Variants in ZNF679 observed in about 807,000 individuals in gnomAD.
ZNF679 encodes the protein hypothetical protein MGC42415.
Under a neutral mutation model 13.4 loss-of-function variants are expected in ZNF679, and 10 were observed. The observed-to-expected ratio is 0.75, with a 90% CI of 0.46 to 1.27. ZNF679 has a LOEUF of 1.27. Ranked by LOEUF, ZNF679 falls within the 50% of genes most tolerant of loss-of-function variation. The probability of loss-of-function intolerance (pLI) is 0.00; values close to 1 mark genes in which losing one functional copy is unlikely to be tolerated. For synonymous variants in ZNF679, 179 were observed against 162.5 expected (o/e 1.10, Z -0.77); for missense variants, 525 against 477.8 (o/e 1.10, Z -0.92).
At position 64,236,921 on chromosome 7, in the gene ZNF679, A is replaced by G. The variant is rs201543624; in HGVS notation, c.-91+8269A>G. ...GAAAAAGAAAAAAAGAAAGAAAGAA[A>G]GAAGAAAGAAAGAAAGAAAGAAAGA... On this transcript the variant is annotated intron_variant, in intron 1 of 4. Transcript: ENST00000421025. Among the ~76,000 whole-genome samples, 332 of 111,978 alleles carry G rather than the reference A, an allele frequency of 3.0e-3. 1 individual carries two copies. The highest frequency in any genetic ancestry group is 0.026 in the South Asian group (71 of 2,716). The allele number at this position is 111,978 out of a possible 152,430, so 73.5% of individuals were successfully genotyped here. A position where few individuals can be genotyped will look rare whatever the true frequency, so the allele number is the denominator to read the frequency against.
Position 64,236,447 on chromosome 7 carries a change from TG to T in ZNF679, c.-91+7801del, listed in dbSNP as rs200757024. Among the ~76,000 whole-genome samples the T allele has an allele frequency of 6.2e-3, 929 of 149,626 alleles. 16 individuals are homozygous for T. Among genetic ancestry groups the T allele is most frequent in the Admixed American group, 0.041 (612 of 15,040 alleles). On this transcript the variant is annotated intron_variant, in intron 1 of 4. Coordinates refer to ENST00000421025, the MANE Select transcript of ZNF679 (RefSeq NM_153363.3). ...TTTTGAGTTTGTAAAAGAGCGTTTG[TG>T]GGGGGAAAAAAAAAAGGGCAGAATA...
intron 4 of ZNF679, among the ~76,000 whole-genome samples, chr7:64,261,742 T>C (rs1788079815): frequency 6.6e-6 from 1 of 152,132 alleles, no homozygotes; most frequent in African/African-American, 2.4e-5. Context: ...TGTATTGTGA[T>C]TTTGTTTTGC....
intron 2 of ZNF679, among the ~76,000 whole-genome samples, chr7:64,259,364 AAC>A (rs1941706591): frequency 6.6e-6 from 1 of 152,196 alleles, no homozygotes; most frequent in Admixed American, 6.5e-5. Flanking sequence ...TTACTGGGGA[AAC>A]ACAGTTGTCT....
At chr7:64,238,836 C>T (rs970983764) in intron 1 of ZNF679, among the ~76,000 whole-genome samples, 1 of 152,148 alleles carries the variant, frequency 6.6e-6, no homozygotes, top group East Asian at 1.9e-4. Flanking sequence ...ACTGCACCTG[C>T]CCATAGATCC....
chr7:64,250,006 T>C (rs1787924092), intron 2 of ZNF679, among the ~76,000 whole-genome samples: 1 of 152,068 alleles, frequency 6.6e-6, no homozygotes, highest in Non-Finnish European at 1.5e-5. Context: ...CGTGCCTGGC[T>C]AATTTTTGTA....
At chr7:64,258,674 C>T (rs1442435073) in intron 2 of ZNF679, among the ~76,000 whole-genome samples, 3 of 148,580 alleles carry the variant, frequency 2.0e-5, no homozygotes, top group Non-Finnish European at 4.4e-5. Flanking sequence ...GCACTCCAGC[C>T]TGCTCGACAG....
chr7:64,240,026 A>ATTGTGG (rs1324071723), intron 1 of ZNF679, among the ~76,000 whole-genome samples: 1 of 152,148 alleles, frequency 6.6e-6, no homozygotes, highest in African/African-American at 2.4e-5. Context: ...ACTTTCCACA[A>ATTGTGG]AAGGAATTGT....
chr7:64,265,864 G>A (rs781142794), intron 4 of ZNF679, 32 bp from the exon 5 acceptor site: 29 of 1,598,972 alleles, frequency 1.8e-5, no homozygotes, highest in Non-Finnish European at 2.3e-5. Context: ...GGTGTAGTAA[G>A]TGAAGTAACT....
At chr7:64,257,886 A>T (rs1788023958) in intron 2 of ZNF679, among the ~76,000 whole-genome samples, 1 of 152,180 alleles carries the variant, frequency 6.6e-6, no homozygotes, top group Non-Finnish European at 1.5e-5. Context: ...TTGTTGAAAA[A>T]GCCCATTCCT....
chr7:64,233,469 T>G (rs1284535972), intron 1 of ZNF679, among the ~76,000 whole-genome samples: 1 of 152,014 alleles, frequency 6.6e-6, no homozygotes, highest in Non-Finnish European at 1.5e-5. Flanking sequence ...CCAGCCTGGA[T>G]GACAGAGTGA....
chr7:64,233,859 T>A (rs1787673899), intron 1 of ZNF679, among the ~76,000 whole-genome samples: 3 of 151,784 alleles, frequency 2.0e-5, no homozygotes, highest in African/African-American at 7.3e-5. Context: ...TCCGTGTACA[T>A]AAGAAAAAGG....
chr7:64,249,006 C>T (rs1787906097), intron 1 of ZNF679, 22 bp from the exon 2 acceptor site: 1 of 1,517,218 alleles, frequency 6.6e-7, no homozygotes, highest in Admixed American at 1.9e-5. Flanking sequence ...TTTCCGGGTC[C>T]TTTGTGTTTC....
intron 1 of ZNF679, among the ~76,000 whole-genome samples, chr7:64,234,831 G>T (rs1484234989): frequency 6.6e-6 from 1 of 152,034 alleles, no homozygotes; most frequent in Admixed American, 6.6e-5. Context: ...AGGTCTAGGG[G>T]ACTCATATAA....
intron 2 of ZNF679, 101 bp from the exon 3 acceptor site, chr7:64,260,120 T>A: frequency 9.4e-7 from 1 of 1,064,672 alleles, no homozygotes; most frequent in Non-Finnish European, 1.3e-6. Flanking sequence ...ACACTTCTTT[T>A]TACTCTCTAA....
intron 1 of ZNF679, among the ~76,000 whole-genome samples, chr7:64,230,307 G>A (rs1470397949): frequency 6.6e-6 from 1 of 152,154 alleles, no homozygotes; most frequent in Non-Finnish European, 1.5e-5. Context: ...GCCGAGGCGG[G>A]TGGATCATGA....
intron 1 of ZNF679, among the ~76,000 whole-genome samples, chr7:64,243,020 G>A (rs1409301533): frequency 1.3e-5 from 2 of 152,170 alleles, no homozygotes; most frequent in Non-Finnish European, 2.9e-5. Flanking sequence ...GTGTGAGGGA[G>A]ACAGTTTTAA....
chr7:64,245,674 G>C (rs1211190359), intron 1 of ZNF679, among the ~76,000 whole-genome samples: 1 of 152,122 alleles, frequency 6.6e-6, no homozygotes, highest in African/African-American at 2.4e-5. Context: ...ATCTAATTCT[G>C]TCAGCCACAG....
chr7:64,245,430 A>AGAGAGAGG (rs1787855372), intron 1 of ZNF679, among the ~76,000 whole-genome samples: 5 of 149,532 alleles, frequency 3.3e-5, no homozygotes, highest in African/African-American at 1.2e-4. Flanking sequence ...AAAGAGAGAG[A>AGAGAGAGG]GAGAGAGAGA....
intron 1 of ZNF679, among the ~76,000 whole-genome samples, chr7:64,236,254 G>T (rs1787710119): frequency 6.6e-6 from 1 of 151,882 alleles, no homozygotes; most frequent in Non-Finnish European, 1.5e-5. Context: ...AACAGGATGA[G>T]ACTCTGTCAA....
Sources: allele counts gnomAD v4.1 joint callset (sites outside exome capture counted in the v4.1 genomes callset), GRCh38; gene constraint gnomAD v4.1.1; transcripts MANE v1.5; gene names NCBI Gene and HGNC (gene_info 2026-07-23, HGNC 2026-07-21).